Variants in GP2 observed in about 807,000 individuals in gnomAD.
GP2 encodes glycoprotein 2.
GP2 carries 58 observed loss-of-function variants against 60.8 expected under a neutral mutation model. That is an observed-to-expected ratio of 0.95 (90% CI 0.77 to 1.19). The LOEUF is 1.19. GP2 is among the 50% of genes most tolerant of loss of function. GP2 has a pLI of 0.00. For synonymous variants in GP2, 280 were observed against 253.4 expected, an observed-to-expected ratio of 1.10 and a Z score of -1.00; for missense variants, 647 against 667.4, an observed-to-expected ratio of 0.97 and a Z score of 0.34.
chr16:20,320,030 G>T (rs1039641373), intron 5 of GP2, among the ~76,000 whole-genome samples: 1 of 152,148 alleles, frequency 6.6e-6, no homozygotes, highest in Admixed American at 6.5e-5. Context: ...GCTTCTCTGT[G>T]CATCCCTCCC....
Position 20,322,962 on chromosome 16 carries a change from C to T in GP2, c.553G>A (p.Asp185Asn). 6.2e-7 allele frequency: 1 copy of T among 1,606,566 alleles called. No homozygotes were observed. Among genetic ancestry groups the T allele is most frequent in the Non-Finnish European group, 8.5e-7 (1 of 1,173,266 alleles). ...GGGCGGCAGGCCTTCTCACACTTGT[C>T]CTCCACAGTGGATGGGTCTAGGTGA... is the stretch of plus-strand genomic sequence containing the variant. ...RYCTDPSTVE[D>N]KCEKACRPEE... The change falls in exon 4 of 11, where the codon GAC becomes AAC. Residue 185 changes from aspartate to asparagine, a missense_variant. By Grantham distance (23) the Asp-to-Asn change is conservative. Transcript: ENST00000302555.
rs139289304 is a variant in GP2, at chr16:20,323,879, G to T, written c.472C>A (p.Pro158Thr). 1.7e-5 allele frequency: 28 copies of T among 1,613,954 alleles called. No individual in the cohort carries two copies. The highest frequency in any genetic ancestry group is 1.6e-4 in the Middle Eastern group (1 of 6,082). ...AACCGGTACACATGGTACCCGCCTG[G>T]GCAGGCCTTCACCAGCACCTCTGTT... ...WKTEVLVKAC[P>T]GGYHVYRLEG... Residue 158 changes from proline to threonine, a missense_variant, in exon 3 of 11, where the codon CCA becomes ACA. By Grantham distance (38) the Pro-to-Thr change is conservative. Coordinates refer to ENST00000302555, the MANE Select transcript of GP2 (RefSeq NM_001502.4).
In GP2 at chr16:20,327,446, G is replaced by A. The variant is rs769631218; in HGVS notation, c.-37+21C>T. ...TCCCAGGATTAGGAGGAAGCCTCCT[G>A]GGGCTTAAAGCAGGACTTACCTCCG... On this transcript the variant is annotated intron_variant, in intron 1 of 10. Transcript: ENST00000302555. 7.0e-6 allele frequency: 9 copies of A among 1,277,964 alleles called. No homozygotes were observed. In the South Asian group the frequency reaches 1.1e-4, roughly 16 times the overall value. 79.2% of individuals were successfully genotyped at this position (1,277,964 alleles called of 1,614,324 possible). A position where few individuals can be genotyped will look rare whatever the true frequency, so the allele number is the denominator to read the frequency against.
At chr16:20,326,184 G>A in intron 2 of GP2, 154 bp downstream of exon 2, 1 of 629,480 alleles carries the variant, frequency 1.6e-6, no homozygotes, top group East Asian at 2.8e-5. Context: ...GATTTCCATT[G>A]TTTCTCATTA....
intron 5 of GP2, 28 bp from the exon 6 acceptor site, chr16:20,319,796 A>C: frequency 6.3e-7 from 1 of 1,587,642 alleles, no homozygotes; most frequent in South Asian, 1.1e-5. Flanking sequence ...AACCATACAG[A>C]TGTTTATGTG....
At chr16:20,315,871 G>T in intron 9 of GP2, 85 bp downstream of exon 9, 1 of 809,250 alleles carries the variant, frequency 1.2e-6, no homozygotes, top group South Asian at 1.4e-5. Context: ...AGAGCCCTGA[G>T]AAGTTGAGTT....
In GP2 at chr16:20,318,274, G is replaced by A. The variant is rs371953903; in HGVS notation, c.1164C>T (p.Thr388=). Residue 388 remains threonine (T), a synonymous_variant, in exon 7 of 11, where the codon ACC becomes ACT. Transcript: ENST00000302555. ...TCCTCAACACCAGGTTAAACCGGGAGGTGTCCCCTTGTTCCAAGATGGCAC... is the reference window on the plus strand; with the variant it reads ...TCCTCAACACCAGGTTAAACCGGGAAGTGTCCCCTTGTTCCAAGATGGCAC... ...YVGAILEQGD[T]SRFNLVLRNC... 2.4e-5 allele frequency: 38 copies of A among 1,612,828 alleles called. No individual in the cohort carries two copies. The highest frequency in any genetic ancestry group is 8.0e-5 in the African/African-American group (6 of 74,878).
intron 4 of GP2, among the ~76,000 whole-genome samples, chr16:20,322,110 C>A (rs1034976707): frequency 1.3e-5 from 2 of 152,216 alleles, no homozygotes; most frequent in African/African-American, 2.4e-5. Flanking sequence ...CACACTGTGG[C>A]TCCGTTTTCC....
intron 6 of GP2, among the ~76,000 whole-genome samples, chr16:20,319,120 G>T (rs188850575): frequency 6.6e-6 from 1 of 151,996 alleles, no homozygotes; most frequent in African/African-American, 2.4e-5. Context: ...CTGTTTATCC[G>T]ATAAAAGCTG....
At chr16:20,311,497 C>T (rs1596515743) in intron 10 of GP2, among the ~76,000 whole-genome samples, 1 of 152,298 alleles carries the variant, frequency 6.6e-6, no homozygotes, top group East Asian at 1.9e-4. Flanking sequence ...TGCAATTTTT[C>T]CCAGTGTCCT....
Position 20,322,964 on chromosome 16 carries a change from T to C in GP2, c.551A>G (p.Glu184Gly). Residue 184 changes from glutamate to glycine, a missense_variant, in exon 4 of 11, where the codon GAG (glutamate) becomes GGG (glycine). By Grantham distance (98) the Glu-to-Gly change is moderately conservative (BLOSUM62 -2). Transcript: ENST00000302555. ...GCGGCAGGCCTTCTCACACTTGTCC[T>C]CCACAGTGGATGGGTCTAGGTGATG... ...LRYCTDPSTV[E>G]DKCEKACRPE... 2 of 1,604,782 alleles carry C rather than the reference T, an allele frequency of 1.2e-6. No homozygotes were observed. Among genetic ancestry groups the C allele is most frequent in the Non-Finnish European group, 1.7e-6 (2 of 1,171,650 alleles).
chr16:20,324,199 G>A lies in GP2; in HGVS notation c.152C>T (p.Pro51Leu), dbSNP rs767132820. 2 of 1,613,858 alleles carry A rather than the reference G, an allele frequency of 1.2e-6. No homozygotes were observed. Among genetic ancestry groups the A allele is most frequent in the Admixed American group, 1.7e-5 (1 of 60,030 alleles). ...ACAGACATGAGCCTCTGGGGTGCCA[G>A]GAGCTCCGCAGTCCAGGTCCAGCCC... ...SYGLDLDCGA[P>L]GTPEAHVCFD... Residue 51 changes from proline (P) to leucine (L), a missense_variant, in exon 3 of 11, where the codon CCT (proline) becomes CTT (leucine). By Grantham distance (98) the Pro-to-Leu change is moderately conservative (BLOSUM62 -3). Coordinates refer to ENST00000302555, the MANE Select transcript of GP2 (RefSeq NM_001502.4).
rs560427908 is a variant in GP2, at chr16:20,326,211, T to C, written c.94+127A>G. 6.6e-5 allele frequency: 47 copies of C among 708,078 alleles called. No homozygotes were observed. In the East Asian group the frequency reaches 1.3e-3, roughly 19 times the overall value. 43.9% of individuals were successfully genotyped at this position (708,078 alleles called of 1,614,324 possible). A position where few individuals can be genotyped will look rare whatever the true frequency, so the allele number is the denominator to read the frequency against. On this transcript the variant is annotated intron_variant, in intron 2 of 10. Transcript: ENST00000302555. ...TTCTCATTATGTTTCCCTTGACTTC[T>C]AGCTCTGAGTTTTTGCTTTAGAACT...
intron 10 of GP2, among the ~76,000 whole-genome samples, chr16:20,313,640 T>G (rs1249278062): frequency 6.6e-6 from 1 of 152,226 alleles, no homozygotes; most frequent in Non-Finnish European, 1.5e-5. Context: ...ACCTTGCTAA[T>G]AAAGCCATCA....
At position 20,314,537 on chromosome 16, in the gene GP2, A is replaced by G. The variant is rs189096514; in HGVS notation, c.1546+120T>C. ...TATACTGTGGGCATCTCAAAGGCCA[A>G]TCTTAGGTCTGATTAATGTCAGTGT... On this transcript the variant is annotated intron_variant, in intron 10 of 10. Coordinates refer to ENST00000302555, the MANE Select transcript of GP2 (RefSeq NM_001502.4). 7.3e-4 allele frequency: 574 copies of G among 785,024 alleles called. 1 individual carries two copies. The highest frequency in any genetic ancestry group is 2.2e-3 in the Admixed American group (123 of 56,134). The allele number at this position is 785,024 out of a possible 1,614,324, so 48.6% of individuals were successfully genotyped here.
intron 7 of GP2, among the ~76,000 whole-genome samples, chr16:20,317,947 A>G (rs1964236145): frequency 6.6e-6 from 1 of 152,174 alleles, no homozygotes; most frequent in African/African-American, 2.4e-5. Context: ...TTTTTGAACA[A>G]TCAGCCTGTT....
At chr16:20,316,823 C>T (rs570859438) in intron 8 of GP2, among the ~76,000 whole-genome samples, 1 of 147,410 alleles carries the variant, frequency 6.8e-6, no homozygotes, top group East Asian at 2.0e-4. Context: ...CTTCATCCTG[C>T]TTCCTTCCTT....
At chr16:20,311,389 T>C in intron 10 of GP2, 108 bp from the exon 11 acceptor site, 1 of 725,270 alleles carries the variant, frequency 1.4e-6, no homozygotes, top group Non-Finnish European at 2.6e-6. Context: ...AGGCAAAGCA[T>C]CTTTGATATC....
rs746286084 is a variant in GP2, at chr16:20,326,486, C to T, written c.-36-19G>A. 1.2e-6 allele frequency: 2 copies of T among 1,602,110 alleles called. No homozygotes were observed. The highest frequency in any genetic ancestry group is 2.2e-5 in the South Asian group (2 of 90,000). On this transcript the variant is annotated intron_variant, in intron 1 of 10. Transcript: ENST00000302555. ...CATGCAGCTATGGGAAAGAAAAGAC[C>T]AAGATAAGATTAGGGCATAGGTCTA...
Sources: gnomAD v4.1 joint callset for allele counts (sites outside exome capture counted in the v4.1 genomes callset) on GRCh38, gnomAD v4.1.1 for gene constraint, MANE v1.5 for transcripts, NCBI Gene and HGNC (gene_info 2026-07-23, HGNC 2026-07-21) for gene names.